The following DST variants were observed in gnomAD, a reference collection of about 807,000 sequenced individuals.
The protein encoded by DST is dystonin, also known as bullous pemphigoid antigen.
A neutral mutation model predicts 875.2 loss-of-function variants in DST; 253 were observed. That is an observed-to-expected ratio of 0.29 (90% CI 0.26 to 0.32). The LOEUF (loss-of-function observed/expected upper bound fraction) is 0.32, where lower values mean the gene tolerates loss of function less well. Ranked by LOEUF, DST falls within the 10% of genes least tolerant of loss-of-function variation. The pLI, the probability that DST is intolerant of heterozygous loss-of-function variation, is 1.00. For missense variants in DST, 8,287 were observed against 9,111.6 expected (o/e 0.91, Z 3.68); for synonymous variants, 3,124 against 3,197.1 (o/e 0.98, Z 0.77).
intron 2 of DST, among the ~76,000 whole-genome samples, chr6:56,951,286 A>G (rs1822165566): frequency 6.6e-6 from 1 of 152,224 alleles, no homozygotes; most frequent in African/African-American, 2.4e-5. Flanking sequence ...CATGGTAGAA[A>G]TGCTGAAAGT....
chr6:56,937,269 T>C (rs192691182), intron 2 of DST, among the ~76,000 whole-genome samples: 1 of 152,214 alleles, frequency 6.6e-6, no homozygotes, highest in African/African-American at 2.4e-5. Flanking sequence ...AGGCAAACTA[T>C]GTATCTATTA....
intron 49 of DST, among the ~76,000 whole-genome samples, chr6:56,582,190 A>G (rs1039413329): frequency 1.3e-5 from 2 of 152,008 alleles, no homozygotes; most frequent in African/African-American, 4.8e-5. Flanking sequence ...ATCTGACCAC[A>G]TATCACCCCT....
chr6:56,507,441 A>G (rs1250658198), intron 75 of DST, among the ~76,000 whole-genome samples: 1 of 152,246 alleles, frequency 6.6e-6, no homozygotes, highest in Non-Finnish European at 1.5e-5. Flanking sequence ...GGAAAGACAG[A>G]GGCATAAGCA....
chr6:56,463,519 A>G (rs184618654), intron 101 of DST, 46 bp downstream of exon 101: 2 of 1,478,308 alleles, frequency 1.4e-6, no homozygotes, highest in South Asian at 2.7e-5. Context: ...TCTACTTGGG[A>G]CATTGATTGC....
chr6:56,950,607 C>T (rs960105163), intron 2 of DST, among the ~76,000 whole-genome samples: 1 of 152,214 alleles, frequency 6.6e-6, no homozygotes, highest in African/African-American at 2.4e-5. Flanking sequence ...GGTTTCTAGA[C>T]TGTCTTGCTA....
At chr6:56,689,425 A>T (rs2099212343) in intron 9 of DST, among the ~76,000 whole-genome samples, 2 of 152,176 alleles carry the variant, frequency 1.3e-5, no homozygotes, top group African/African-American at 4.8e-5. Flanking sequence ...GCAAATACTA[A>T]GCTAAGGTGA....
intron 2 of DST, among the ~76,000 whole-genome samples, chr6:56,929,638 A>AT (rs1416520932): frequency 2.6e-5 from 4 of 152,206 alleles, no homozygotes; most frequent in Non-Finnish European, 5.9e-5. Flanking sequence ...ATATGCTTTG[A>AT]TTTTTGAATC....
Position 56,463,768 on chromosome 6 carries a change from G to A in DST, c.22760-4C>T, listed in dbSNP as rs762035845. ...TCCATGTTTGTCCTTCCTTTGGCTG[G>A]GTTATACACACACAACAATGCACAC... On this transcript the variant is annotated splice_region_variant and splice_polypyrimidine_tract_variant and intron_variant, in intron 100 of 103. Transcript: ENST00000680361. 8 of 1,613,862 alleles carry A rather than the reference G, an allele frequency of 5.0e-6. No homozygotes were observed. In the South Asian group the frequency reaches 5.5e-5, roughly 11 times the overall value.
At chr6:56,465,704 C>T (rs951905599) in intron 99 of DST, among the ~76,000 whole-genome samples, 4 of 151,880 alleles carry the variant, frequency 2.6e-5, no homozygotes, top group African/African-American at 7.3e-5. Context: ...CCAGTATTTT[C>T]GGTCTTCATC....
chr6:56,562,027 T>C (rs926866611), intron 56 of DST, 111 bp downstream of exon 56: 1 of 578,300 alleles, frequency 1.7e-6, no homozygotes, highest in African/African-American at 1.9e-5. Context: ...TAAATACCAT[T>C]GTAATTCAGG....
intron 88 of DST, 53 bp downstream of exon 88, chr6:56,485,259 G>A (rs779711461): frequency 2.5e-6 from 4 of 1,590,968 alleles, no homozygotes; most frequent in South Asian, 1.1e-5. Flanking sequence ...TACATTTCCT[G>A]TACACTCAGA....
chr6:56,545,730 T>C (rs1235152686), intron 61 of DST, among the ~76,000 whole-genome samples: 2 of 152,130 alleles, frequency 1.3e-5, no homozygotes, highest in African/African-American at 2.4e-5. Context: ...GGTTGAAGGA[T>C]TGGAGGTATT....
At chr6:56,642,274 A>C (rs1192612082) in intron 16 of DST, 136 bp downstream of exon 16, 1 of 875,432 alleles carries the variant, frequency 1.1e-6, no homozygotes, top group South Asian at 1.4e-5. Context: ...AACACCAATC[A>C]TAATCTTTAA....
intron 4 of DST, among the ~76,000 whole-genome samples, chr6:56,741,957 A>C (rs980420275): frequency 5.9e-5 from 9 of 152,222 alleles, no homozygotes; most frequent in Non-Finnish European, 1.0e-4. Context: ...GGGGGGAACA[A>C]ATAAATGCAA....
At chr6:56,661,397 G>T (rs1201366654) in intron 10 of DST, among the ~76,000 whole-genome samples, 3 of 152,138 alleles carry the variant, frequency 2.0e-5, no homozygotes, top group Non-Finnish European at 4.4e-5. Flanking sequence ...ACAAAGGCAG[G>T]ACTTGTCAAG....
Position 56,605,914 on chromosome 6 carries a change from T to C in DST, c.8714A>G (p.Lys2905Arg), listed in dbSNP as rs1223708838. The stretch of plus-strand genomic sequence containing the variant: ...ATGGTTCAACAGATTTTCTTTGCTT[T>C]TTCCAGCAATCTCAGTTGTATATTC... ...LPEYTTEIAG[K>R]SKENLLNHEM... The change falls in exon 40 of 104, where the codon AAA becomes AGA. Residue 2905 changes from lysine to arginine, a missense_variant. This residue lies in a region of DST where 3,138 missense variants were observed against 3,116.6 expected (regional missense o/e 1.01). Transcript: ENST00000680361. The C allele has an allele frequency of 1.2e-6, 2 of 1,612,760 alleles. No homozygotes were observed. Among genetic ancestry groups the C allele is most frequent in the African/African-American group, 1.3e-5 (1 of 74,886 alleles).
chr6:56,614,562 C>T, intron 36 of DST, 78 bp from the exon 37 acceptor site: 2 of 1,361,130 alleles, frequency 1.5e-6, no homozygotes, highest in South Asian at 4.4e-5. Context: ...CCATAGCAAA[C>T]AAGAATGTAA....
intron 2 of DST, among the ~76,000 whole-genome samples, chr6:56,938,002 T>C (rs1177741582): frequency 6.6e-6 from 1 of 151,854 alleles, no homozygotes; most frequent in Admixed American, 6.6e-5. Context: ...GGAACAGAGA[T>C]TGACTGCAAA....
intron 49 of DST, among the ~76,000 whole-genome samples, chr6:56,589,068 T>C (rs1328275124): frequency 1.3e-5 from 2 of 152,198 alleles, no homozygotes; most frequent in African/African-American, 4.8e-5. Flanking sequence ...TTTTTTTAGA[T>C]TGTGAGTTCA....
Sources: gnomAD v4.1 joint callset for allele counts (sites outside exome capture counted in the v4.1 genomes callset) on GRCh38, gnomAD v4.1.1 for gene constraint, gnomAD v4.1.1 regional missense constraint, MANE v1.5 for transcripts, NCBI Gene and HGNC (gene_info 2026-07-23, HGNC 2026-07-21) for gene names.